NLN: variants seen among roughly 807,000 people sequenced by gnomAD.
The protein encoded by NLN is neurolysin.
NLN carries 64 observed loss-of-function variants against 79.9 expected under a neutral mutation model. The ratio of observed to expected loss-of-function variants is 0.80; its 90% CI spans 0.65 to 0.99. The LOEUF (loss-of-function observed/expected upper bound fraction) is 0.99, where lower values mean the gene tolerates loss of function less well. Among genes scored for constraint, NLN ranks in the 50% least tolerant of loss-of-function variants. NLN has a pLI of 0.00. For synonymous variants in NLN, 267 were observed against 296.6 expected (o/e 0.90, Z 1.02); for missense variants, 835 against 858.7 (o/e 0.97, Z 0.34).
At chr5:65,791,022 T>C (rs1466968159) in intron 8 of NLN, among the ~76,000 whole-genome samples, 3 of 152,220 alleles carry the variant, frequency 2.0e-5, no homozygotes, top group Admixed American at 6.5e-5. Context: ...GTGACCTAGT[T>C]AATACTTACT....
chr5:65,743,914 G>T (rs1173122793), intron 1 of NLN, among the ~76,000 whole-genome samples: 1 of 152,102 alleles, frequency 6.6e-6, no homozygotes, highest in Non-Finnish European at 1.5e-5. Flanking sequence ...ACCTCATAGA[G>T]CTATCTTGAA....
intron 9 of NLN, among the ~76,000 whole-genome samples, chr5:65,801,544 A>G (rs1334862123): frequency 6.6e-6 from 1 of 152,240 alleles, no homozygotes; most frequent in African/African-American, 2.4e-5. Flanking sequence ...AAATATTTAA[A>G]TGATGTTGCC....
Position 65,788,455 on chromosome 5 carries a change from G to C in NLN, c.1296G>C (p.Leu432Phe), listed in dbSNP as rs1347108783. 1 of 1,613,906 alleles carries C rather than the reference G, an allele frequency of 6.2e-7. No homozygotes were observed. The highest frequency in any genetic ancestry group is 8.5e-7 in the Non-Finnish European group (1 of 1,179,824). The change falls in exon 8 of 13, where the codon TTG (leucine) becomes TTC (phenylalanine). Residue 432 changes from leucine to phenylalanine, a missense_variant. Coordinates refer to ENST00000380985, the MANE Select transcript of NLN (RefSeq NM_020726.5). ...AGGATAAAGCTACAGGAGAAGTATT[G>C]GGACAGTTCTATTTGGACCTCTATC... ...TVKDKATGEV[L>F]GQFYLDLYPR... is the part of the protein sequence containing the mutation.
chr5:65,769,680 G>A (rs1261329957), intron 3 of NLN, among the ~76,000 whole-genome samples: 4 of 152,178 alleles, frequency 2.6e-5, no homozygotes, highest in East Asian at 1.9e-4. Flanking sequence ...CCTTACATTT[G>A]TGTAGCAATA....
intron 1 of NLN, among the ~76,000 whole-genome samples, chr5:65,755,741 G>A (rs1374611970): frequency 1.3e-5 from 2 of 152,140 alleles, no homozygotes; most frequent in Non-Finnish European, 2.9e-5. Context: ...AAATAGCCTG[G>A]CAGCCTGGAG....
At chr5:65,725,834 TG>T (rs1758454935) in intron 1 of NLN, among the ~76,000 whole-genome samples, 1 of 152,104 alleles carries the variant, frequency 6.6e-6, no homozygotes. Context: ...TTCCATGGGC[TG>T]GGCACGGTGG....
At chr5:65,822,237 G>A (rs1238622001) in intron 12 of NLN, among the ~76,000 whole-genome samples, 2 of 152,116 alleles carry the variant, frequency 1.3e-5, no homozygotes, top group Non-Finnish European at 2.9e-5. Flanking sequence ...TCCCAGCATC[G>A]GACCCACAAA....
At chr5:65,768,707 A>G (rs1423867982) in intron 3 of NLN, among the ~76,000 whole-genome samples, 1 of 152,186 alleles carries the variant, frequency 6.6e-6, no homozygotes, top group East Asian at 1.9e-4. Context: ...TGGCTTGCAA[A>G]TGGCCCCTTC....
Position 65,781,282 on chromosome 5 carries a change from T to C in NLN, c.683T>C (p.Ile228Thr). Residue 228 changes from isoleucine to threonine, a missense_variant, in exon 6 of 13, where the codon ATT (isoleucine) becomes ACT (threonine). Ile to Thr is a moderately conservative substitution (Grantham distance 89). Transcript: ENST00000380985. ...GCAGGTGCTCTTCCTGATGATTTCA[T>C]TGACAGTTTAGAAAAGACAGATGAT... ...AELGALPDDFIDSLEKTDDDK... is the reference protein window; with the variant it reads ...AELGALPDDFTDSLEKTDDDK... 1 of 1,607,776 alleles carries C rather than the reference T, an allele frequency of 6.2e-7. No homozygotes were observed. The highest frequency in any genetic ancestry group is 8.5e-7 in the Non-Finnish European group (1 of 1,176,906).
intron 5 of NLN, among the ~76,000 whole-genome samples, chr5:65,780,564 G>A (rs954634814): frequency 5.9e-5 from 9 of 151,616 alleles, no homozygotes; most frequent in African/African-American, 2.2e-4. Flanking sequence ...GTAGTTTATA[G>A]TTGTGTTTAA....
chr5:65,738,467 G>C (rs2150736428), intron 1 of NLN, among the ~76,000 whole-genome samples: 1 of 152,010 alleles, frequency 6.6e-6, no homozygotes, highest in Middle Eastern at 3.4e-3. Context: ...AGTGGTCTCA[G>C]GAGGCTGAGG....
At chr5:65,738,979 A>G (rs1000701796) in intron 1 of NLN, among the ~76,000 whole-genome samples, 4 of 22,726 alleles carry the variant, frequency 1.8e-4, no homozygotes, top group Non-Finnish European at 1.7e-4. Context: ...AAATATATAT[A>G]TTATATATTT....
chr5:65,805,507 G>A (rs756261255), intron 9 of NLN, among the ~76,000 whole-genome samples: 1 of 152,234 alleles, frequency 6.6e-6, no homozygotes, highest in Non-Finnish European at 1.5e-5. Flanking sequence ...GATGAAACCA[G>A]CTACAACATT....
In NLN at chr5:65,829,084, C is replaced by T. The variant is rs1579981805; in HGVS notation, c.*6169C>T. The T allele has an allele frequency of 1.3e-5, 2 of 152,188 alleles. No individual in the cohort carries two copies. Among genetic ancestry groups the T allele is most frequent in the East Asian group, 3.8e-4 (2 of 5,198 alleles). The allele number at this position is 152,188 out of a possible 1,614,324, so 9.4% of individuals were successfully genotyped here. On this transcript the variant is annotated 3_prime_UTR_variant, in exon 13 of 13. Transcript: ENST00000380985. ...TCCCTACAGAATTTACAGTTACTCTCTGTCCATTCCACTCACTACTGTCTT... is the reference window on the plus strand; with the variant it reads ...TCCCTACAGAATTTACAGTTACTCTTTGTCCATTCCACTCACTACTGTCTT...
At chr5:65,745,111 A>T (rs1000136127) in intron 1 of NLN, among the ~76,000 whole-genome samples, 1 of 152,142 alleles carries the variant, frequency 6.6e-6, no homozygotes, top group Non-Finnish European at 1.5e-5. Context: ...CTTTGAGAAC[A>T]GGTGACTAAA....
intron 1 of NLN, among the ~76,000 whole-genome samples, chr5:65,748,881 A>G (rs993130830): frequency 2.0e-5 from 3 of 152,164 alleles, no homozygotes; most frequent in African/African-American, 4.8e-5. Flanking sequence ...CTGTGTCCCT[A>G]CCCAAATCTC....
In NLN at chr5:65,792,602, G is replaced by C; in HGVS notation, c.1474G>C (p.Val492Leu). 1 of 1,614,098 alleles carries C rather than the reference G, an allele frequency of 6.2e-7. No individual in the cohort carries two copies. Among genetic ancestry groups the C allele is most frequent in the Non-Finnish European group, 8.5e-7 (1 of 1,179,982 alleles). ...GRPSLLRHDE[V>L]RTYFHEFGHV... ...TCCCTCTCTCCTGAGACACGACGAG[G>C]TGAGGACTTACTTTCATGAGTTTGG... Residue 492 changes from valine to leucine, a missense_variant, in exon 9 of 13, where the codon GTG becomes CTG. By Grantham distance (32) the Val-to-Leu change is conservative. Coordinates refer to ENST00000380985, the MANE Select transcript of NLN (RefSeq NM_020726.5).
chr5:65,786,562 A>G (rs576384367), intron 7 of NLN, among the ~76,000 whole-genome samples: 1 of 152,220 alleles, frequency 6.6e-6, no homozygotes, highest in South Asian at 2.1e-4. Context: ...AAGGAGTAAA[A>G]CAAGGTCCTT....
chr5:65,806,424 T>G (rs1246278432), intron 9 of NLN, among the ~76,000 whole-genome samples: 2 of 152,148 alleles, frequency 1.3e-5, no homozygotes, highest in South Asian at 4.1e-4. Context: ...TAACAGAAAT[T>G]TGTAAGAAAT....
Sources: gnomAD v4.1 joint callset for allele counts (sites outside exome capture counted in the v4.1 genomes callset) on GRCh38, gnomAD v4.1.1 for gene constraint, MANE v1.5 for transcripts, NCBI Gene and HGNC (gene_info 2026-07-23, HGNC 2026-07-21) for gene names.